KATNAL1: variants seen among roughly 807,000 people sequenced by gnomAD.
KATNAL1 encodes katanin p60 ATPase-containing subunit A-like 1.
A neutral mutation model predicts 55.2 loss-of-function variants in KATNAL1; 32 were observed. The observed-to-expected ratio is 0.58, with a 90% CI of 0.44 to 0.78. The LOEUF is 0.78. Ranked by LOEUF, KATNAL1 falls within the 30% of genes least tolerant of loss-of-function variation. KATNAL1 has a pLI of 0.00. For missense variants in KATNAL1, 466 were observed against 600.9 expected (o/e 0.78, Z 2.35); for synonymous variants, 193 against 193.6 (o/e 1.00, Z 0.02).
intron 4 of KATNAL1, among the ~76,000 whole-genome samples, chr13:30,241,831 T>C (rs1034429904): frequency 1.3e-5 from 2 of 152,208 alleles, no homozygotes; most frequent in East Asian, 3.8e-4. Context: ...GGAAACTAAA[T>C]GGCTCCCTTG....
intron 3 of KATNAL1, among the ~76,000 whole-genome samples, chr13:30,265,697 A>T (rs1324862484): frequency 2.0e-5 from 3 of 151,060 alleles, no homozygotes; most frequent in African/African-American, 7.3e-5. Flanking sequence ...GTCCCTTTTA[A>T]GAGATTTTTT....
intron 10 of KATNAL1, among the ~76,000 whole-genome samples, chr13:30,209,286 A>G (rs1873433309): frequency 6.6e-6 from 1 of 152,234 alleles, no homozygotes; most frequent in African/African-American, 2.4e-5. Flanking sequence ...TTGACCAACT[A>G]TAAATAAATA....
At chr13:30,303,706 T>C (rs1883003709) in intron 1 of KATNAL1, among the ~76,000 whole-genome samples, 1 of 152,258 alleles carries the variant, frequency 6.6e-6, no homozygotes, top group South Asian at 2.1e-4. Flanking sequence ...TTAGAGCCAT[T>C]GAGCTCTCAT....
intron 4 of KATNAL1, among the ~76,000 whole-genome samples, chr13:30,241,734 T>C (rs1877299733): frequency 1.3e-5 from 2 of 152,098 alleles, no homozygotes; most frequent in Non-Finnish European, 2.9e-5. Context: ...TCTCCTAAAC[T>C]TCAACCGGAA....
At chr13:30,270,060 C>G (rs1880163073) in intron 3 of KATNAL1, among the ~76,000 whole-genome samples, 1 of 131,228 alleles carries the variant, frequency 7.6e-6, no homozygotes, top group South Asian at 2.4e-4. Context: ...GCCGCCCCAT[C>G]CGGGAGGGAG....
At position 30,255,474 on chromosome 13, in the gene KATNAL1, G is replaced by C; in HGVS notation, c.465C>G (p.Asp155Glu). The change falls in exon 4 of 11, where the codon GAC becomes GAG. Residue 155 changes from aspartate to glutamate, a missense_variant. Asp to Glu is a conservative substitution (Grantham distance 45, BLOSUM62 2). Transcript: ENST00000380615. ...TGTCATCTCTCCCTCTTGCTCTATA[G>C]TCCTTGTCCCTACTTGTAGAAGGCT... The part of the protein sequence containing the change: ...SEKPSTSRDK[D>E]YRARGRDDKG... 6.3e-7 allele frequency: 1 copy of C among 1,591,098 alleles called. No individual in the cohort carries two copies. The highest frequency in any genetic ancestry group is 8.6e-7 in the Non-Finnish European group (1 of 1,168,834).
At chr13:30,292,514 CCCTACCCCTTGT>C (rs1882199885) in intron 1 of KATNAL1, among the ~76,000 whole-genome samples, 1 of 152,096 alleles carries the variant, frequency 6.6e-6, no homozygotes, top group African/African-American at 2.4e-5. Flanking sequence ...TTTTATGCTT[CCCTACCCCTTGT>C]TCCAAAGGGA....
At chr13:30,282,375 C>G (rs867810155) in intron 2 of KATNAL1, among the ~76,000 whole-genome samples, 1 of 152,132 alleles carries the variant, frequency 6.6e-6, no homozygotes, top group South Asian at 2.1e-4. Flanking sequence ...CAGTGGCTCA[C>G]ACATGTAATA....
At chr13:30,236,147 T>C (rs754259030) in intron 6 of KATNAL1, among the ~76,000 whole-genome samples, 1 of 152,198 alleles carries the variant, frequency 6.6e-6, no homozygotes, top group Admixed American at 6.5e-5. Flanking sequence ...GGACCCACGA[T>C]GTTCATGCCT....
At chr13:30,229,730 AATT>A (rs1016808047) in intron 8 of KATNAL1, among the ~76,000 whole-genome samples, 30 of 150,304 alleles carry the variant, frequency 2.0e-4, no homozygotes, top group African/African-American at 7.2e-4. Flanking sequence ...AAACAAAAAA[AATT>A]ATTGAGAACC....
chr13:30,266,659 T>TATG (rs1879807363), intron 3 of KATNAL1, among the ~76,000 whole-genome samples: 1 of 152,154 alleles, frequency 6.6e-6, no homozygotes, highest in Non-Finnish European at 1.5e-5. Context: ...AAAAAATAAA[T>TATG]ATGCAAATAT....
At chr13:30,227,807 T>C (rs549380982) in intron 8 of KATNAL1, among the ~76,000 whole-genome samples, 19 of 151,984 alleles carry the variant, frequency 1.3e-4, no homozygotes, top group Admixed American at 5.2e-4. Context: ...TTTAATCCAA[T>C]AAAAACATCC....
intron 9 of KATNAL1, among the ~76,000 whole-genome samples, chr13:30,214,097 T>C (rs1873964458): frequency 6.6e-6 from 1 of 152,270 alleles, no homozygotes; most frequent in Admixed American, 6.5e-5. Context: ...AAAATCAATG[T>C]ACAAAAATCA....
intron 3 of KATNAL1, among the ~76,000 whole-genome samples, chr13:30,272,865 C>T (rs1031453322): frequency 6.6e-6 from 1 of 152,212 alleles, no homozygotes; most frequent in Non-Finnish European, 1.5e-5. Flanking sequence ...CTGAAAAACA[C>T]CCTCTGTTCT....
intron 6 of KATNAL1, among the ~76,000 whole-genome samples, chr13:30,239,420 T>A (rs995711633): frequency 1.3e-5 from 2 of 151,952 alleles, no homozygotes; most frequent in Non-Finnish European, 2.9e-5. Context: ...AAAAAATAAA[T>A]AAAATACATT....
intron 3 of KATNAL1, among the ~76,000 whole-genome samples, chr13:30,260,009 C>G (rs879828376): frequency 2.4e-4 from 37 of 152,328 alleles, no homozygotes; most frequent in Admixed American, 3.3e-4. Context: ...GTTCTCCCAG[C>G]ACGCAGCTGG....
At chr13:30,277,443 A>C (rs80082647) in intron 3 of KATNAL1, among the ~76,000 whole-genome samples, 3,058 of 152,332 alleles carry the variant, frequency 0.02, 100 homozygotes, top group African/African-American at 0.069. Flanking sequence ...TCACAATCTC[A>C]TCAACTCAAG....
At chr13:30,251,077 G>T (rs1878251135) in intron 4 of KATNAL1, among the ~76,000 whole-genome samples, 1 of 147,282 alleles carries the variant, frequency 6.8e-6, no homozygotes, top group African/African-American at 2.5e-5. Context: ...GGCAGAGCTT[G>T]CAGCGAGCCG....
intron 6 of KATNAL1, among the ~76,000 whole-genome samples, chr13:30,234,692 C>T (rs1278383976): frequency 6.6e-6 from 1 of 152,168 alleles, no homozygotes; most frequent in Non-Finnish European, 1.5e-5. Context: ...AGCTCCAGGC[C>T]TCTATTTTGA....
Sources: gnomAD v4.1 joint callset for allele counts (sites outside exome capture counted in the v4.1 genomes callset) on GRCh38, gnomAD v4.1.1 for gene constraint, MANE v1.5 for transcripts, NCBI Gene and HGNC (gene_info 2026-07-23, HGNC 2026-07-21) for gene names.